The following FBN2 variants were observed in gnomAD, a reference collection of about 807,000 sequenced individuals.
The protein encoded by FBN2 is fibrillin 2, also known as fibrillin-2.
FBN2 carries 105 observed loss-of-function variants against 355.6 expected under a neutral mutation model. The ratio of observed to expected loss-of-function variants is 0.30; its 90% CI spans 0.25 to 0.35. The LOEUF is 0.35. FBN2 is among the 10% of genes least tolerant of loss of function. FBN2 has a pLI of 1.00. For missense variants in FBN2, 3,280 were observed against 3,758.7 expected, an observed-to-expected ratio of 0.87 and a Z score of 3.33; for synonymous variants, 1,350 against 1,301.2, an observed-to-expected ratio of 1.04 and a Z score of -0.81.
intron 36 of FBN2, among the ~76,000 whole-genome samples, chr5:128,317,478 C>T (rs951406427): frequency 1.3e-5 from 2 of 152,112 alleles, no homozygotes; most frequent in Non-Finnish European, 2.9e-5. Flanking sequence ...TGCTGCAGGC[C>T]CAAAAACTGA....
chr5:128,316,057 TA>T (rs1750192096), intron 36 of FBN2, among the ~76,000 whole-genome samples: 1 of 152,178 alleles, frequency 6.6e-6, no homozygotes, highest in Non-Finnish European at 1.5e-5. Context: ...GGCCAGTAAG[TA>T]AAAACTTCTA....
chr5:128,512,196 C>T (rs1367633780), intron 5 of FBN2, among the ~76,000 whole-genome samples: 15 of 152,096 alleles, frequency 9.9e-5, no homozygotes, highest in Admixed American at 9.8e-4. Flanking sequence ...TCTCTCTCAC[C>T]CATTAGGACA....
chr5:128,477,984 T>C (rs921428525), intron 5 of FBN2, among the ~76,000 whole-genome samples: 4 of 152,222 alleles, frequency 2.6e-5, no homozygotes, highest in African/African-American at 9.6e-5. Flanking sequence ...AACCTCTAAA[T>C]AGAACCACGA....
intron 7 of FBN2, among the ~76,000 whole-genome samples, chr5:128,432,956 G>A (rs908482464): frequency 6.6e-6 from 1 of 151,822 alleles, no homozygotes; most frequent in Non-Finnish European, 1.5e-5. Context: ...GCAAGAGCAG[G>A]GAAAACTGCC....
chr5:128,261,873 G>T lies in FBN2; in HGVS notation c.8227C>A (p.Gln2743Lys), dbSNP rs1227230008. 1 of 1,614,070 alleles carries T rather than the reference G, an allele frequency of 6.2e-7. No individual in the cohort carries two copies. Among genetic ancestry groups the T allele is most frequent in the East Asian group, 2.2e-5 (1 of 44,884 alleles). ...ACCTCTGTATCCAGTGACAGGTACTGCCCCTTGTTAAATCCCATTCCTGAG... is the reference window on the plus strand; with the variant it reads ...ACCTCTGTATCCAGTGACAGGTACTTCCCCTTGTTAAATCCCATTCCTGAG... ...CVSGMGFNKG[Q>K]YLSLDTEVDE... The change falls in exon 64 of 65, where the codon CAG becomes AAG. Residue 2743 changes from glutamine (Q) to lysine (K), a missense_variant. By Grantham distance (53) the Gln-to-Lys change is moderately conservative (BLOSUM62 1). This residue lies in a region of FBN2 where 311 missense variants were observed against 319.1 expected (regional missense o/e 0.97). Coordinates refer to ENST00000262464, the MANE Select transcript of FBN2 (RefSeq NM_001999.4).
At chr5:128,385,848 G>T (rs1289427413) in intron 11 of FBN2, among the ~76,000 whole-genome samples, 1 of 152,044 alleles carries the variant, frequency 6.6e-6, no homozygotes, top group East Asian at 1.9e-4. Context: ...CTTTAGAGAA[G>T]TGTCTGCTCA....
intron 4 of FBN2, among the ~76,000 whole-genome samples, chr5:128,525,078 C>A (rs1467073131): frequency 6.6e-6 from 1 of 152,122 alleles, no homozygotes; most frequent in Non-Finnish European, 1.5e-5. Flanking sequence ...AACCCTCATA[C>A]ATACATACAC....
intron 48 of FBN2, among the ~76,000 whole-genome samples, chr5:128,297,965 C>T (rs1302366395): frequency 6.5e-4 from 97 of 150,302 alleles, no homozygotes; most frequent in African/African-American, 2.0e-3. Flanking sequence ...GATTTTGCAG[C>T]GGCTGGTACC....
chr5:128,373,595 T>A (rs1752003867), intron 15 of FBN2, among the ~76,000 whole-genome samples: 1 of 152,214 alleles, frequency 6.6e-6, no homozygotes, highest in African/African-American at 2.4e-5. Flanking sequence ...TGTGTTTTAC[T>A]GTACAACATG....
Position 128,258,287 on chromosome 5 carries a change from T to C in FBN2, c.*1168A>G, listed in dbSNP as rs1474442820. On this transcript the variant is annotated 3_prime_UTR_variant, in exon 65 of 65. Coordinates refer to ENST00000262464, the MANE Select transcript of FBN2 (RefSeq NM_001999.4). Reference sequence around the variant, plus strand: ...ATGACTAAAGCAAACTAAACATCAATTCATTGTACAAACATCTTTCATACA... The same window carrying C: ...ATGACTAAAGCAAACTAAACATCAACTCATTGTACAAACATCTTTCATACA... 1 of 152,524 alleles carries C rather than the reference T, an allele frequency of 6.6e-6. No individual in the cohort carries two copies. Among genetic ancestry groups the C allele is most frequent in the East Asian group, 1.9e-4 (1 of 5,180 alleles). The allele number at this position is 152,524 out of a possible 1,614,324, so 9.4% of individuals were successfully genotyped here. A position where few individuals can be genotyped will look rare whatever the true frequency, so the allele number is the denominator to read the frequency against.
intron 20 of FBN2, among the ~76,000 whole-genome samples, chr5:128,353,688 G>C (rs1280206296): frequency 1.3e-5 from 2 of 152,170 alleles, no homozygotes; most frequent in East Asian, 1.9e-4. Flanking sequence ...GAACTGGAAG[G>C]CTTTCTATGT....
chr5:128,439,399 T>A (rs1349397796), intron 7 of FBN2, among the ~76,000 whole-genome samples: 2 of 152,122 alleles, frequency 1.3e-5, no homozygotes, highest in African/African-American at 4.8e-5. Context: ...ACCAATACAG[T>A]TTGCCATTAG....
intron 6 of FBN2, among the ~76,000 whole-genome samples, chr5:128,454,432 T>C (rs1336720474): frequency 6.6e-6 from 1 of 152,230 alleles, no homozygotes; most frequent in Non-Finnish European, 1.5e-5. Flanking sequence ...TCTCGTTAAC[T>C]TGGTTAATGT....
chr5:128,386,850 G>C (rs985269548), intron 11 of FBN2, among the ~76,000 whole-genome samples: 1 of 152,044 alleles, frequency 6.6e-6, no homozygotes, highest in South Asian at 2.1e-4. Context: ...CTAGCATTTT[G>C]TTGAGGACTT....
intron 8 of FBN2, among the ~76,000 whole-genome samples, chr5:128,401,387 C>G (rs538888923): frequency 6.6e-6 from 1 of 152,126 alleles, no homozygotes; most frequent in South Asian, 2.1e-4. Context: ...ACTAAATATC[C>G]AAGAACATTT....
At chr5:128,276,825 T>C (rs987942993) in intron 58 of FBN2, among the ~76,000 whole-genome samples, 1 of 152,162 alleles carries the variant, frequency 6.6e-6, no homozygotes, top group Non-Finnish European at 1.5e-5. Context: ...GACTCTTTTC[T>C]TTTGGCCCAG....
At chr5:128,387,659 C>T (rs969317536) in intron 11 of FBN2, among the ~76,000 whole-genome samples, 13 of 151,952 alleles carry the variant, frequency 8.6e-5, no homozygotes, top group Non-Finnish European at 1.6e-4. Context: ...TATGTTGTAT[C>T]TTTGCTTTTA....
At chr5:128,334,626 C>T (rs899182122) in intron 31 of FBN2, 93 bp downstream of exon 31, 26 of 1,337,874 alleles carry the variant, frequency 1.9e-5, no homozygotes, top group East Asian at 1.4e-4. Context: ...GGCAGGTAAC[C>T]GCTCTAAGAG....
chr5:128,420,908 C>T (rs1753329165), intron 7 of FBN2, among the ~76,000 whole-genome samples: 1 of 152,130 alleles, frequency 6.6e-6, no homozygotes, highest in African/African-American at 2.4e-5. Context: ...AACATGTTAC[C>T]TCAATTCAAC....
Sources: gnomAD v4.1 joint callset for allele counts (sites outside exome capture counted in the v4.1 genomes callset) on GRCh38, gnomAD v4.1.1 for gene constraint, gnomAD v4.1.1 regional missense constraint, MANE v1.5 for transcripts, NCBI Gene and HGNC (gene_info 2026-07-23, HGNC 2026-07-21) for gene names.